The following COX7B2 variants were observed in gnomAD, a reference collection of about 807,000 sequenced individuals.
COX7B2 encodes cytochrome c oxidase subunit 7B2, also known as cytochrome c oxidase subunit 7B2, mitochondrial.
For missense variants in COX7B2, 109 were observed against 95.9 expected (o/e 1.14, Z -0.57); for synonymous variants, 37 against 32.1 (o/e 1.15, Z -0.51).
chr4:46,777,705 C>G (rs901164253), intron 2 of COX7B2, among the ~76,000 whole-genome samples: 3 of 151,994 alleles, frequency 2.0e-5, no homozygotes, highest in Admixed American at 6.6e-5. Flanking sequence ...ATAGGATTGT[C>G]AAAATAAGAA....
chr4:46,851,625 A>T (rs1716691646), intron 1 of COX7B2, among the ~76,000 whole-genome samples: 1 of 152,056 alleles, frequency 6.6e-6, no homozygotes, highest in Non-Finnish European at 1.5e-5. Flanking sequence ...CCTATTCAGG[A>T]TCTAACACTG....
At chr4:46,788,101 A>G (rs1577705400) in intron 2 of COX7B2, among the ~76,000 whole-genome samples, 2 of 151,862 alleles carry the variant, frequency 1.3e-5, no homozygotes, top group African/African-American at 4.9e-5. Context: ...AAGCAAAACA[A>G]GAGAAAAAAA....
At chr4:46,742,369 C>T (rs746866413) in intron 2 of COX7B2, among the ~76,000 whole-genome samples, 257 of 152,172 alleles carry the variant, frequency 1.7e-3, no homozygotes, top group Non-Finnish European at 2.1e-3. Context: ...ATGCACATAA[C>T]CTGCAGTGTC....
At chr4:46,798,533 T>C (rs1718479828) in intron 2 of COX7B2, among the ~76,000 whole-genome samples, 1 of 152,160 alleles carries the variant, frequency 6.6e-6, no homozygotes, top group Non-Finnish European at 1.5e-5. Flanking sequence ...CAAACCCATG[T>C]GGGTGAATCG....
intron 2 of COX7B2, among the ~76,000 whole-genome samples, chr4:46,828,106 T>A (rs1032707980): frequency 2.0e-5 from 3 of 152,158 alleles, no homozygotes; most frequent in African/African-American, 4.8e-5. Context: ...CTTAATAAAT[T>A]TGATTTAGGA....
At chr4:46,898,273 C>T (rs1004179732) in intron 1 of COX7B2, among the ~76,000 whole-genome samples, 16 of 152,170 alleles carry the variant, frequency 1.1e-4, no homozygotes, top group Admixed American at 6.5e-5. Flanking sequence ...CCATTCATAA[C>T]TTAGGTCTAC....
intron 2 of COX7B2, among the ~76,000 whole-genome samples, chr4:46,812,974 G>A (rs897510235): frequency 6.6e-6 from 1 of 152,052 alleles, no homozygotes; most frequent in African/African-American, 2.4e-5. Flanking sequence ...CCAGTGGCTT[G>A]AGGTCCCTGG....
intron 2 of COX7B2, among the ~76,000 whole-genome samples, chr4:46,770,903 C>T (rs1716839524): frequency 6.6e-6 from 1 of 152,110 alleles, no homozygotes; most frequent in Non-Finnish European, 1.5e-5. Context: ...AGCTTCTTGA[C>T]ACTGGTTGAG....
chr4:46,846,078 G>T (rs1218763007), intron 1 of COX7B2, among the ~76,000 whole-genome samples: 2 of 151,980 alleles, frequency 1.3e-5, no homozygotes, highest in African/African-American at 2.4e-5. Flanking sequence ...AACAAGAAAT[G>T]GCAAGTTTCA....
intron 1 of COX7B2, among the ~76,000 whole-genome samples, chr4:46,908,144 C>T (rs1206243680): frequency 6.6e-6 from 1 of 151,962 alleles, no homozygotes; most frequent in Non-Finnish European, 1.5e-5. Context: ...AGCCACTGCA[C>T]CCAGCCAGAA....
At chr4:46,774,108 A>G (rs943410076) in intron 2 of COX7B2, among the ~76,000 whole-genome samples, 2 of 152,146 alleles carry the variant, frequency 1.3e-5, no homozygotes, top group African/African-American at 4.8e-5. Context: ...GTTTCAGTCA[A>G]GATGTTCACG....
intron 2 of COX7B2, among the ~76,000 whole-genome samples, chr4:46,745,603 C>T (rs1714976629): frequency 6.6e-6 from 1 of 152,094 alleles, no homozygotes; most frequent in African/African-American, 2.4e-5. Context: ...GAGGGGCAAA[C>T]TTTGGTACAC....
intron 2 of COX7B2, among the ~76,000 whole-genome samples, chr4:46,786,447 T>C (rs1211940644): frequency 6.6e-6 from 1 of 152,184 alleles, no homozygotes; most frequent in Non-Finnish European, 1.5e-5. Flanking sequence ...TGGGCACAAA[T>C]GTAGCTAAAT....
At chr4:46,854,718 G>C (rs1450884386) in intron 1 of COX7B2, among the ~76,000 whole-genome samples, 1 of 152,112 alleles carries the variant, frequency 6.6e-6, no homozygotes, top group Non-Finnish European at 1.5e-5. Context: ...ATTTAAGACA[G>C]TGAGAAAAAC....
At chr4:46,872,474 A>C (rs1177822019) in intron 1 of COX7B2, among the ~76,000 whole-genome samples, 1 of 152,134 alleles carries the variant, frequency 6.6e-6, no homozygotes, top group Non-Finnish European at 1.5e-5. Context: ...ACCTAAAATA[A>C]AAGTTATAAA....
At chr4:46,814,736 C>T (rs1719460734) in intron 2 of COX7B2, among the ~76,000 whole-genome samples, 1 of 152,198 alleles carries the variant, frequency 6.6e-6, no homozygotes. Flanking sequence ...GATGAGTTGA[C>T]TGCTCCTGTT....
At chr4:46,759,450 T>C (rs1465596955) in intron 2 of COX7B2, among the ~76,000 whole-genome samples, 1 of 151,874 alleles carries the variant, frequency 6.6e-6, no homozygotes, top group African/African-American at 2.4e-5. Context: ...AATCTATCCA[T>C]CAGACAAAGG....
chr4:46,908,999 G>T (rs1720581831), intron 1 of COX7B2, among the ~76,000 whole-genome samples, 161 bp downstream of exon 1: 1 of 151,716 alleles, frequency 6.6e-6, no homozygotes, highest in South Asian at 2.1e-4. Context: ...AGCCGAGATG[G>T]CGTCACTGCA....
intron 2 of COX7B2, among the ~76,000 whole-genome samples, chr4:46,771,528 A>ATTT (rs1332720381): frequency 1.3e-5 from 2 of 152,144 alleles, no homozygotes; most frequent in Non-Finnish European, 2.9e-5. Flanking sequence ...GCTTGGGACC[A>ATTT]GAGGTGTTAC....
Sources: allele counts gnomAD v4.1 joint callset (sites outside exome capture counted in the v4.1 genomes callset), GRCh38; gene constraint gnomAD v4.1.1; transcripts MANE v1.5; gene names NCBI Gene and HGNC (gene_info 2026-07-23, HGNC 2026-07-21).